The following NTM variants were observed in gnomAD, a reference collection of about 807,000 sequenced individuals.
NTM encodes IgLON family member 2.
NTM carries 13 observed loss-of-function variants against 42.1 expected under a neutral mutation model. That is an observed-to-expected ratio of 0.31 (90% confidence interval 0.20 to 0.49). NTM has a LOEUF of 0.49. Among genes scored for constraint, NTM ranks in the 20% least tolerant of loss-of-function variants. The pLI is 0.99. For synonymous variants in NTM, 187 were observed against 179.2 expected (o/e 1.04, Z -0.35); for missense variants, 373 against 452.8 (o/e 0.82, Z 1.60).
chr11:131,533,459 TGGG>T, intron 1 of NTM, among the ~76,000 whole-genome samples: 1 of 152,220 alleles, frequency 6.6e-6, no homozygotes, highest in Admixed American at 6.5e-5. Context: ...ATCACTGAAA[TGGG>T]GGGCCTGGGC....
chr11:131,849,632 CAACT>C (rs1204959673), intron 1 of NTM, among the ~76,000 whole-genome samples: 1 of 152,002 alleles, frequency 6.6e-6, no homozygotes, highest in Non-Finnish European at 1.5e-5. Context: ...CCAAATATCC[CAACT>C]ATATCAAGAA....
At chr11:132,176,442 C>A (rs2076825329) in intron 3 of NTM, among the ~76,000 whole-genome samples, 1 of 151,544 alleles carries the variant, frequency 6.6e-6, no homozygotes, top group Non-Finnish European at 1.5e-5. Flanking sequence ...AAGGCAGTTT[C>A]TTTTCTTTTT....
intron 1 of NTM, among the ~76,000 whole-genome samples, chr11:131,656,947 G>A (rs904640498): frequency 2.6e-5 from 4 of 152,036 alleles, no homozygotes; most frequent in African/African-American, 9.7e-5. Flanking sequence ...AGCCACCGTG[G>A]TGGTCTGGCG....
At chr11:131,418,918 C>T (rs539897447) in intron 1 of NTM, among the ~76,000 whole-genome samples, 7 of 152,178 alleles carry the variant, frequency 4.6e-5, no homozygotes, top group African/African-American at 1.4e-4. Context: ...CTCATGAACA[C>T]TTCACCTATT....
intron 1 of NTM, among the ~76,000 whole-genome samples, chr11:131,519,087 T>C (rs1443161626): frequency 6.6e-6 from 1 of 152,248 alleles, no homozygotes; most frequent in African/African-American, 2.4e-5. Flanking sequence ...GATAAATAGA[T>C]TATGCCTCAC....
intron 1 of NTM, among the ~76,000 whole-genome samples, chr11:131,690,733 T>G (rs2074560877): frequency 6.6e-6 from 1 of 152,204 alleles, no homozygotes; most frequent in South Asian, 2.1e-4. Context: ...GTGCTAAGCG[T>G]AGGCCGTGGC....
At chr11:131,522,462 T>A (rs998115848) in intron 1 of NTM, among the ~76,000 whole-genome samples, 2 of 152,180 alleles carry the variant, frequency 1.3e-5, no homozygotes, top group Non-Finnish European at 2.9e-5. Flanking sequence ...ATGTATTTCA[T>A]AACAACCACT....
At chr11:132,319,820 C>T (rs894426413) in intron 7 of NTM, among the ~76,000 whole-genome samples, 2 of 152,236 alleles carry the variant, frequency 1.3e-5, no homozygotes, top group African/African-American at 4.8e-5. Flanking sequence ...AGACTGCCTC[C>T]TCCAGTGGGT....
At position 132,003,372 on chromosome 11, in the gene NTM, A is replaced by C. The variant is rs502251; in HGVS notation, c.167+91724A>C. Among the ~76,000 whole-genome samples, 1 of 151,442 alleles carries C rather than the reference A, an allele frequency of 6.6e-6. No individual in the cohort carries two copies. Among genetic ancestry groups the C allele is most frequent in the African/African-American group, 2.4e-5 (1 of 41,140 alleles). On this transcript the variant is annotated intron_variant, in intron 2 of 8. Coordinates refer to ENST00000683400, the MANE Select transcript of NTM (RefSeq NM_001352005.2). This position sits in a 1 kb window ranked among gnomAD's most constrained non-coding sequence, Gnocchi z 6.0. ...ATGATCCTCACACCTCAGCCTCCCT[A>C]GTAGCTGGGACCACAGGTGTGCACC...
At chr11:132,077,848 G>A (rs1384030167) in intron 2 of NTM, among the ~76,000 whole-genome samples, 1 of 152,152 alleles carries the variant, frequency 6.6e-6, no homozygotes, top group Admixed American at 6.5e-5. Flanking sequence ...CAATCCTCTT[G>A]CCTCAGCCTC....
intron 2 of NTM, among the ~76,000 whole-genome samples, chr11:132,143,226 G>T (rs2069574818): frequency 6.6e-6 from 1 of 152,134 alleles, no homozygotes; most frequent in South Asian, 2.1e-4. Flanking sequence ...TAGGTTAGAG[G>T]TTCTCAGGGA....
chr11:131,560,835 C>T (rs2056128679), intron 1 of NTM, among the ~76,000 whole-genome samples: 1 of 152,182 alleles, frequency 6.6e-6, no homozygotes, highest in African/African-American at 2.4e-5. Context: ...GTAAACTACT[C>T]ATAAATATGA....
intron 1 of NTM, among the ~76,000 whole-genome samples, chr11:131,776,341 T>G (rs1258168563): frequency 6.6e-6 from 1 of 152,224 alleles, no homozygotes; most frequent in Admixed American, 6.5e-5. Flanking sequence ...GAACTCATCT[T>G]TCTTGCAATA....
At chr11:131,553,798 T>A (rs1196154936) in intron 1 of NTM, among the ~76,000 whole-genome samples, 1 of 152,170 alleles carries the variant, frequency 6.6e-6, no homozygotes, top group East Asian at 1.9e-4. Context: ...AGTTGTAAGA[T>A]CATCATCATT....
At chr11:131,574,379 A>G (rs902089516) in intron 1 of NTM, among the ~76,000 whole-genome samples, 1 of 152,094 alleles carries the variant, frequency 6.6e-6, no homozygotes, top group Admixed American at 6.5e-5. Context: ...AACATCTAGG[A>G]AAAAGGCGTT....
chr11:132,037,232 A>G, intron 2 of NTM, among the ~76,000 whole-genome samples: 1 of 151,812 alleles, frequency 6.6e-6, no homozygotes, highest in East Asian at 2.0e-4. Context: ...TGTGGAAAAG[A>G]GCCTGGTAAG....
chr11:131,785,618 G>A (rs371752467), intron 1 of NTM, among the ~76,000 whole-genome samples: 1 of 152,170 alleles, frequency 6.6e-6, no homozygotes, highest in African/African-American at 2.4e-5. Context: ...CGAGGTAAAT[G>A]GTCTCTTCAA....
At chr11:132,147,210 T>TGA (rs1195572205) in intron 3 of NTM, among the ~76,000 whole-genome samples, 15 of 126,246 alleles carry the variant, frequency 1.2e-4, no homozygotes, top group African/African-American at 3.4e-4. Flanking sequence ...TGTGTGTGTG[T>TGA]GTGTGAGAGA....
At chr11:131,773,009 A>T (rs2086372737) in intron 1 of NTM, among the ~76,000 whole-genome samples, 1 of 152,250 alleles carries the variant, frequency 6.6e-6, no homozygotes, top group Non-Finnish European at 1.5e-5. Flanking sequence ...TGATGTACTG[A>T]CATAAATAAA....
Sources: allele counts gnomAD v4.1 joint callset (sites outside exome capture counted in the v4.1 genomes callset), GRCh38; gene constraint gnomAD v4.1.1; non-coding constraint Gnocchi (gnomAD v3.1); transcripts MANE v1.5; gene names NCBI Gene and HGNC (gene_info 2026-07-23, HGNC 2026-07-21).